ERICH6: variants seen among roughly 807,000 people sequenced by gnomAD.
The protein encoded by ERICH6 is glutamate-rich protein 6.
ERICH6 carries 71 observed loss-of-function variants against 71.0 expected under a neutral mutation model. The observed-to-expected ratio is 1.00, with a 90% CI of 0.83 to 1.22. The LOEUF (loss-of-function observed/expected upper bound fraction) is 1.22, where lower values mean the gene tolerates loss of function less well. Ranked by LOEUF, ERICH6 falls within the 50% of genes most tolerant of loss-of-function variation. The probability of loss-of-function intolerance (pLI) is 0.00; values close to 1 mark genes in which losing one functional copy is unlikely to be tolerated. For missense variants in ERICH6, 808 were observed against 797.2 expected, an observed-to-expected ratio of 1.01 and a Z score of -0.16; for synonymous variants, 262 against 278.4, an observed-to-expected ratio of 0.94 and a Z score of 0.59.
chr3:150,684,954 T>C (rs1712118084), intron 6 of ERICH6, among the ~76,000 whole-genome samples: 1 of 151,924 alleles, frequency 6.6e-6, no homozygotes, highest in African/African-American at 2.4e-5. Context: ...TAGTGAACCA[T>C]AATCGTGCCA....
chr3:150,691,683 T>C (rs1287994274), intron 3 of ERICH6, among the ~76,000 whole-genome samples: 2 of 152,036 alleles, frequency 1.3e-5, no homozygotes, highest in Non-Finnish European at 2.9e-5. Context: ...ATATTATTAT[T>C]AAGTTTTGGT....
intron 6 of ERICH6, among the ~76,000 whole-genome samples, chr3:150,684,780 T>TTTTC (rs765742521): frequency 7.2e-5 from 11 of 152,198 alleles, no homozygotes; most frequent in Admixed American, 2.6e-4. Flanking sequence ...GTTTTGTTCT[T>TTTTC]TTTCTTTCTT....
At chr3:150,686,148 C>A in intron 4 of ERICH6, 127 bp from the exon 5 acceptor site, 2 of 1,179,054 alleles carry the variant, frequency 1.7e-6, no homozygotes, top group Non-Finnish European at 2.5e-6. Flanking sequence ...TGTTCAGATG[C>A]CCTGATCCCT....
intron 6 of ERICH6, among the ~76,000 whole-genome samples, chr3:150,685,299 A>G (rs1243409395): frequency 3.9e-5 from 6 of 152,334 alleles, no homozygotes; most frequent in East Asian, 1.9e-4. Context: ...CCCAAATCCA[A>G]CTGGACTTGG....
At chr3:150,696,988 A>AT (rs1395370377) in intron 3 of ERICH6, among the ~76,000 whole-genome samples, 28 of 152,324 alleles carry the variant, frequency 1.8e-4, no homozygotes, top group Middle Eastern at 3.4e-3. Flanking sequence ...ATAAATATCT[A>AT]GGAACAATTT....
rs139130808 is a variant in ERICH6, at chr3:150,703,670, A to C, written c.229T>G (p.Tyr77Asp). 3.0e-5 allele frequency: 48 copies of C among 1,612,726 alleles called. No homozygotes were observed. In the African/African-American group the frequency reaches 5.8e-4, roughly 19 times the overall value. Residue 77 changes from tyrosine to aspartate, a missense_variant, in exon 1 of 14, where the codon TAC becomes GAC. Physicochemically the swap from Tyr to Asp is radical, Grantham distance 160 (BLOSUM62 -3). Transcript: ENST00000295910. ...LEAPETFSEE[Y>D]LWKVTDIGDY... is the part of the protein sequence containing the mutation. ...CCGATGTCCGTGACCTTCCAGAGGT[A>C]CTCTTCGCTGAACGTCTCAGGGGCC...
chr3:150,675,913 A>AT (rs377064762), intron 10 of ERICH6, among the ~76,000 whole-genome samples: 142 of 126,378 alleles, frequency 1.1e-3, no homozygotes, highest in South Asian at 4.7e-3. Context: ...TGTGTCTAGA[A>AT]TTTTTTTTTT....
intron 3 of ERICH6, among the ~76,000 whole-genome samples, chr3:150,694,858 C>A (rs1712594935): frequency 6.6e-6 from 1 of 152,192 alleles, no homozygotes; most frequent in Non-Finnish European, 1.5e-5. Flanking sequence ...ATATAAACAA[C>A]AGAAATCTAT....
intron 7 of ERICH6, among the ~76,000 whole-genome samples, 157 bp from the exon 8 acceptor site, chr3:150,681,087 C>G (rs1711910303): frequency 6.6e-6 from 1 of 150,856 alleles, no homozygotes; most frequent in Admixed American, 6.6e-5. Flanking sequence ...TACAATTCAC[C>G]CATTTAAAAA....
In ERICH6 at chr3:150,659,980, G is replaced by T; in HGVS notation, c.1904C>A (p.Ser635Tyr). 1.2e-6 allele frequency: 2 copies of T among 1,614,160 alleles called. No homozygotes were observed. The highest frequency in any genetic ancestry group is 1.7e-6 in the Non-Finnish European group (2 of 1,180,022). The change falls in exon 14 of 14, where the codon TCT becomes TAT. Residue 635 changes from serine (S) to tyrosine (Y), a missense_variant. Ser to Tyr is a moderately radical substitution (Grantham distance 144). Coordinates refer to ENST00000295910, the MANE Select transcript of ERICH6 (RefSeq NM_152394.5). ...LKQPSYLSSL[S>Y]LKLIALCHSS... Reference sequence around the variant, plus strand: ...GTGACAAAGGGCAATTAGTTTTAGAGAAAGTGAAGAAAGGTAGGAAGGTTG... The same window carrying T: ...GTGACAAAGGGCAATTAGTTTTAGATAAAGTGAAGAAAGGTAGGAAGGTTG...
At chr3:150,682,056 C>G (rs11922873) in intron 7 of ERICH6, among the ~76,000 whole-genome samples, 162 bp downstream of exon 7, 15,591 of 152,128 alleles carry the variant, frequency 0.1, 1,090 homozygotes, top group Non-Finnish European at 0.15. Flanking sequence ...CTCAGGCAAT[C>G]CACCCACCTC....
intron 3 of ERICH6, among the ~76,000 whole-genome samples, chr3:150,689,577 A>G (rs1712340371): frequency 6.6e-6 from 1 of 151,940 alleles, no homozygotes; most frequent in Admixed American, 6.6e-5. Context: ...AACATCCAAG[A>G]TGTGTGTGTG....
In ERICH6 at chr3:150,669,432, C is replaced by G. The variant is rs13064394; in HGVS notation, c.1363G>C (p.Ala455Pro). The change falls in exon 12 of 14, where the codon GCC (alanine) becomes CCC (proline). Residue 455 changes from alanine to proline, a missense_variant. Transcript: ENST00000295910. The stretch of plus-strand genomic sequence containing the variant: ...ACCTTGTTGGGCACTCGAATGATGG[C>G]TAGGTTTCCAGATGGATAGCTGAGA... Reference protein sequence around the residue: ...TQIFYPSGNLAIIRVPNKVNG... With the variant: ...TQIFYPSGNLPIIRVPNKVNG... 1 of 1,613,474 alleles carries G rather than the reference C, an allele frequency of 6.2e-7. No individual in the cohort carries two copies. Among genetic ancestry groups the G allele is most frequent in the East Asian group, 2.2e-5 (1 of 44,840 alleles).
chr3:150,668,488 A>C (rs1203864659), intron 12 of ERICH6, among the ~76,000 whole-genome samples: 1 of 152,208 alleles, frequency 6.6e-6, no homozygotes, highest in Non-Finnish European at 1.5e-5. Flanking sequence ...ATTGCTGTAG[A>C]ATCCTGAAAG....
At position 150,666,936 on chromosome 3, in the gene ERICH6, T is replaced by C. The variant is rs746591761; in HGVS notation, c.1579A>G (p.Ile527Val). The change falls in exon 13 of 14, where the codon ATC becomes GTC. Residue 527 changes from isoleucine (I) to valine (V), a missense_variant. Physicochemically the swap from Ile to Val is conservative, Grantham distance 29. Transcript: ENST00000295910. ...RIRAWNWSNS[I>V]TSSPFVSFKP... ...AATGAAACAAAGGGTGAGGAAGTGA[T>C]GGAATTTGACCAATTCCAAGCCCTT... The C allele has an allele frequency of 2.5e-6, 4 of 1,614,176 alleles. No homozygotes were observed. Among genetic ancestry groups the C allele is most frequent in the East Asian group, 2.2e-5 (1 of 44,876 alleles).
chr3:150,684,039 A>C (rs143624944), intron 6 of ERICH6, among the ~76,000 whole-genome samples: 2 of 152,288 alleles, frequency 1.3e-5, no homozygotes, highest in African/African-American at 4.8e-5. Context: ...CCTCAGAGAC[A>C]TCCCTAGATA....
chr3:150,700,015 A>T (rs1201202888), intron 2 of ERICH6, among the ~76,000 whole-genome samples: 1 of 152,164 alleles, frequency 6.6e-6, no homozygotes, highest in Non-Finnish European at 1.5e-5. Flanking sequence ...GTCTGAGGAT[A>T]AGACTGGTGA....
At chr3:150,663,111 C>G (rs551668709) in intron 13 of ERICH6, among the ~76,000 whole-genome samples, 133 of 152,214 alleles carry the variant, frequency 8.7e-4, no homozygotes, top group Middle Eastern at 3.4e-3. Context: ...ACCAGACTTA[C>G]GTTTTCAAAG....
At chr3:150,693,521 C>T (rs982012749) in intron 3 of ERICH6, among the ~76,000 whole-genome samples, 1 of 152,146 alleles carries the variant, frequency 6.6e-6, no homozygotes, top group Admixed American at 6.5e-5. Flanking sequence ...TTTGATGGTA[C>T]AAATCAATGG....
Sources: gnomAD v4.1 joint callset for allele counts (sites outside exome capture counted in the v4.1 genomes callset) on GRCh38, gnomAD v4.1.1 for gene constraint, MANE v1.5 for transcripts, NCBI Gene and HGNC (gene_info 2026-07-23, HGNC 2026-07-21) for gene names.